The following SEL1L3 variants were observed in gnomAD, a reference collection of about 807,000 sequenced individuals.
SEL1L3 encodes the protein SEL1L family member 3.
SEL1L3 carries 76 observed loss-of-function variants against 142.8 expected under a neutral mutation model. The ratio of observed to expected loss-of-function variants is 0.53; its 90% confidence interval spans 0.44 to 0.64. SEL1L3 has a LOEUF of 0.64. SEL1L3 is among the 30% of genes least tolerant of loss of function. SEL1L3 has a pLI of 0.00. For missense variants in SEL1L3, 1,262 were observed against 1,381.7 expected (o/e 0.91, Z 1.37); for synonymous variants, 504 against 519.6 (o/e 0.97, Z 0.41).
chr4:25,748,568 C>T lies in SEL1L3; in HGVS notation c.3260-4G>A. On this transcript the variant is annotated splice_polypyrimidine_tract_variant and splice_region_variant and intron_variant, in intron 23 of 23. Coordinates refer to ENST00000399878, the MANE Select transcript of SEL1L3 (RefSeq NM_015187.5). ...GGTCTTGGAGGGGGATCGCTTGCTG[C>T]AGAGACACATGCACAACAGGTGCTG... The T allele has an allele frequency of 6.2e-7, 1 of 1,607,794 alleles. No individual in the cohort carries two copies. The highest frequency in any genetic ancestry group is 8.5e-7 in the Non-Finnish European group (1 of 1,177,392).
chr4:25,805,051 C>A (rs770018072), intron 9 of SEL1L3, among the ~76,000 whole-genome samples: 2 of 152,196 alleles, frequency 1.3e-5, no homozygotes, highest in Non-Finnish European at 2.9e-5. Context: ...TAACTCATCA[C>A]CAAATCAGGA....
chr4:25,739,733 C>A, the SEL1L3 span, among the ~76,000 whole-genome samples: 1 of 149,930 alleles, frequency 6.7e-6, no homozygotes, highest in South Asian at 2.1e-4. Context: ...AAAAAAAACC[C>A]ATGTGTGTAT....
the SEL1L3 span, among the ~76,000 whole-genome samples, chr4:25,729,912 TCTTCTTCTTCTTCTC>T: frequency 1.3e-5 from 2 of 150,984 alleles, no homozygotes; most frequent in Non-Finnish European, 2.9e-5. Flanking sequence ...TTGACATCTT[TCTTCTTCTTCTTCTC>T]CTTCTTCTTC....
At chr4:25,824,370 G>C (rs570308386) in intron 6 of SEL1L3, among the ~76,000 whole-genome samples, 1 of 152,118 alleles carries the variant, frequency 6.6e-6, no homozygotes, top group South Asian at 2.1e-4. Context: ...GATGCTCACC[G>C]CCTCACTGCC....
intron 9 of SEL1L3, 93 bp from the exon 10 acceptor site, chr4:25,804,845 G>T: frequency 1.1e-6 from 1 of 923,962 alleles, no homozygotes; most frequent in Non-Finnish European, 1.7e-6. Flanking sequence ...AATCACCTGA[G>T]TTATTGATAT....
At position 25,862,768 on chromosome 4, in the gene SEL1L3, G is replaced by T; in HGVS notation, c.69C>A (p.Val23=). Residue 23 remains valine (V), a synonymous_variant, in exon 1 of 24, where the codon GTC becomes GTA. Transcript: ENST00000399878. ...QQQQQPPPLA[V]GPRAAAMVPS... Reference sequence around the variant, plus strand: ...GGACCATGGCTGCGGCCCGGGGGCCGACCGCGAGCGGCGGGGGTTGCTGCT... The same window carrying T: ...GGACCATGGCTGCGGCCCGGGGGCCTACCGCGAGCGGCGGGGGTTGCTGCT... The T allele has an allele frequency of 1.7e-6, 2 of 1,202,776 alleles. No individual in the cohort carries two copies. The highest frequency in any genetic ancestry group is 2.1e-6 in the Non-Finnish European group (2 of 970,420). The allele number at this position is 1,202,776 out of a possible 1,614,324, so 74.5% of individuals were successfully genotyped here.
intron 3 of SEL1L3, 105 bp downstream of exon 3, chr4:25,835,092 T>C: frequency 1.4e-6 from 2 of 1,420,300 alleles, no homozygotes; most frequent in Non-Finnish European, 1.9e-6. Flanking sequence ...CAAAACACCT[T>C]ACCAAGAAGG....
At chr4:25,817,241 A>T (rs1714443818) in intron 9 of SEL1L3, among the ~76,000 whole-genome samples, 1 of 152,226 alleles carries the variant, frequency 6.6e-6, no homozygotes, top group Non-Finnish European at 1.5e-5. Flanking sequence ...GTACAATGTA[A>T]GACACCAATC....
intron 16 of SEL1L3, among the ~76,000 whole-genome samples, chr4:25,776,885 TA>T (rs1319076976): frequency 6.6e-6 from 1 of 151,114 alleles, no homozygotes; most frequent in Non-Finnish European, 1.5e-5. Context: ...GAAAAGAGAT[TA>T]AAAAAAGGCA....
At chr4:25,799,838 T>C (rs1304167642) in intron 11 of SEL1L3, among the ~76,000 whole-genome samples, 8 of 152,144 alleles carry the variant, frequency 5.3e-5, no homozygotes, top group Admixed American at 5.2e-4. Flanking sequence ...AAGGTCTGAG[T>C]ATTATCATAT....
chr4:25,749,370 TAAAAA>T, intron 23 of SEL1L3, among the ~76,000 whole-genome samples: 1 of 147,508 alleles, frequency 6.8e-6, no homozygotes, highest in East Asian at 2.0e-4. Context: ...TTTTCTGATT[TAAAAA>T]AAAAAAGTGC....
At chr4:25,813,047 A>T (rs1714138214) in intron 9 of SEL1L3, among the ~76,000 whole-genome samples, 1 of 152,076 alleles carries the variant, frequency 6.6e-6, no homozygotes, top group African/African-American at 2.4e-5. Flanking sequence ...AGGAAATAAC[A>T]AGTGTTTCTG....
At chr4:25,760,790 G>A (rs1047128507) in intron 20 of SEL1L3, among the ~76,000 whole-genome samples, 3 of 152,156 alleles carry the variant, frequency 2.0e-5, no homozygotes, top group African/African-American at 4.8e-5. Flanking sequence ...AGCAGCTCAC[G>A]TTTTGAGTGC....
At chr4:25,729,291 T>G in the SEL1L3 span, among the ~76,000 whole-genome samples, 5 of 152,172 alleles carry the variant, frequency 3.3e-5, no homozygotes, top group Admixed American at 6.5e-5. Flanking sequence ...AGACCTAATT[T>G]TACTGCATTT....
At chr4:25,805,813 A>G (rs573978640) in intron 9 of SEL1L3, among the ~76,000 whole-genome samples, 1 of 152,346 alleles carries the variant, frequency 6.6e-6, no homozygotes, top group Non-Finnish European at 1.5e-5. Flanking sequence ...CAAAGATACT[A>G]TTTACATTTA....
intron 2 of SEL1L3, among the ~76,000 whole-genome samples, chr4:25,837,998 C>T (rs566636011): frequency 2.0e-5 from 3 of 152,056 alleles, no homozygotes; most frequent in Non-Finnish European, 4.4e-5. Flanking sequence ...AAAGCAGGGG[C>T]CTTACTTATT....
chr4:25,739,758 TAATGTG>T, the SEL1L3 span, among the ~76,000 whole-genome samples: 1 of 115,354 alleles, frequency 8.7e-6, no homozygotes, highest in Admixed American at 8.2e-5. Context: ...AAAGAAAAAA[TAATGTG>T]TGTGTGTGTG....
At chr4:25,726,010 T>C in the SEL1L3 span, among the ~76,000 whole-genome samples, 1 of 152,082 alleles carries the variant, frequency 6.6e-6, no homozygotes, top group Non-Finnish European at 1.5e-5. Context: ...TGACTAAGAA[T>C]GCCTAACATC....
the SEL1L3 span, among the ~76,000 whole-genome samples, chr4:25,731,866 G>A: frequency 1.3e-5 from 2 of 152,056 alleles, no homozygotes; most frequent in African/African-American, 4.8e-5. Flanking sequence ...TCAGGTCAGG[G>A]GTTTGAAACC....
Sources: gnomAD v4.1 joint callset for allele counts (sites outside exome capture counted in the v4.1 genomes callset) on GRCh38, gnomAD v4.1.1 for gene constraint, MANE v1.5 for transcripts, NCBI Gene and HGNC (gene_info 2026-07-23, HGNC 2026-07-21) for gene names.